Variants in UNC80 observed in about 807,000 individuals in gnomAD.
The protein encoded by UNC80 is unc-80 subunit of NALCN channel complex.
A neutral mutation model predicts 384.6 loss-of-function variants in UNC80; 164 were observed. That is an observed-to-expected ratio of 0.43 (90% CI 0.38 to 0.49). The LOEUF (loss-of-function observed/expected upper bound fraction) is 0.49, where lower values mean the gene tolerates loss of function less well. UNC80 is among the 20% of genes least tolerant of loss of function. The pLI is 0.00. For synonymous variants in UNC80, 1,486 were observed against 1,527.8 expected (o/e 0.97, Z 0.64); for missense variants, 3,330 against 4,143.0 (o/e 0.80, Z 5.39).
In UNC80 at chr2:209,816,951, C is replaced by G. The variant is rs1378992392; in HGVS notation, c.1378C>G (p.Pro460Ala). Reference protein sequence around the residue: ...KEDRERKGSIPFHHTGKRRPR... With the variant: ...KEDRERKGSIAFHHTGKRRPR... ...AGACCGAGAGAGGAAAGGCTCCATT[C>G]CATTCCACCACACAGGCAAGAGGAG... Residue 460 changes from proline to alanine, a missense_variant, in exon 10 of 65, where the codon CCA becomes GCA. Around this residue, in one of 8 missense-constraint regions of UNC80, gnomAD observed 937 missense variants for 1,026.8 expected, o/e 0.91. Transcript: ENST00000673920. 6.4e-7 allele frequency: 1 copy of G among 1,551,712 alleles called. No individual in the cohort carries two copies. Among genetic ancestry groups the G allele is most frequent in the East Asian group, 2.4e-5 (1 of 40,914 alleles).
At chr2:209,943,629 A>C (rs2091764578) in intron 45 of UNC80, 115 bp downstream of exon 45, 1 of 1,251,770 alleles carries the variant, frequency 8.0e-7, no homozygotes, top group East Asian at 2.5e-5. Flanking sequence ...GTGTTTTGGC[A>C]GAGATGCAAA....
intron 7 of UNC80, among the ~76,000 whole-genome samples, chr2:209,809,872 A>G (rs776487305): frequency 2.0e-5 from 3 of 152,080 alleles, no homozygotes; most frequent in Admixed American, 6.5e-5. Flanking sequence ...GGCATTCTTG[A>G]ACTGGCTTTT....
At chr2:209,822,097 T>A (rs915889226) in intron 13 of UNC80, among the ~76,000 whole-genome samples, 4 of 152,238 alleles carry the variant, frequency 2.6e-5, no homozygotes, top group Non-Finnish European at 1.5e-5. Context: ...TATTGTTTAC[T>A]CTTTTCTTCC....
At chr2:209,831,315 C>T (rs2080950624) in intron 15 of UNC80, 128 bp from the exon 16 acceptor site, 2 of 986,910 alleles carry the variant, frequency 2.0e-6, no homozygotes, top group Non-Finnish European at 2.9e-6. Context: ...CCTGGGGCAT[C>T]TTTAATTCCT....
intron 6 of UNC80, among the ~76,000 whole-genome samples, chr2:209,792,499 C>A (rs551899486): frequency 6.6e-6 from 1 of 152,076 alleles, no homozygotes; most frequent in Non-Finnish European, 1.5e-5. Flanking sequence ...AGGCGCCCAC[C>A]ACCGCGCCCA....
intron 25 of UNC80, among the ~76,000 whole-genome samples, chr2:209,881,549 C>T (rs1559255990): frequency 1.3e-5 from 2 of 152,004 alleles, no homozygotes; most frequent in African/African-American, 2.4e-5. Flanking sequence ...CTAAAATCCC[C>T]AAACGTACAT....
chr2:209,993,604 G>A (rs1335741019), intron 63 of UNC80, among the ~76,000 whole-genome samples, 178 bp downstream of exon 63: 1 of 152,068 alleles, frequency 6.6e-6, no homozygotes, highest in Non-Finnish European at 1.5e-5. Flanking sequence ...GCCTTCCCCA[G>A]TCCCTGTCTG....
chr2:209,919,699 A>G (rs1400467761), intron 33 of UNC80, among the ~76,000 whole-genome samples: 1 of 152,144 alleles, frequency 6.6e-6, no homozygotes, highest in Non-Finnish European at 1.5e-5. Flanking sequence ...CAATATACCT[A>G]TTTTATTTTA....
chr2:209,969,679 A>G, intron 52 of UNC80, 89 bp from the exon 53 acceptor site: 3 of 1,497,388 alleles, frequency 2.0e-6, no homozygotes, highest in Non-Finnish European at 2.7e-6. Flanking sequence ...ATCCTGTCTT[A>G]GATGGCATCA....
At position 209,945,698 on chromosome 2, in the gene UNC80, G is replaced by A. The variant is rs531431885; in HGVS notation, c.7190-149G>A. The A allele has an allele frequency of 2.0e-5, 11 of 559,878 alleles. No individual in the cohort carries two copies. The South Asian group carries it at 3.0e-4, about 15-fold the overall frequency. 34.7% of individuals were successfully genotyped at this position (559,878 alleles called of 1,614,324 possible). On this transcript the variant is annotated intron_variant, in intron 46 of 64. Transcript: ENST00000673920. ...CAGAATTTCGTTCCCTTGAGATGAA[G>A]AAATTAATAGTTTTCACAGCGTAGG...
Position 209,842,507 on chromosome 2 carries a change from T to C in UNC80, c.3454+61T>C, listed in dbSNP as rs184226620. 254 of 1,163,202 alleles carry C rather than the reference T, an allele frequency of 2.2e-4. 3 individuals are homozygous for C. The Admixed American group carries it at 6.0e-3, about 27-fold the overall frequency. 72.1% of individuals were successfully genotyped at this position (1,163,202 alleles called of 1,614,324 possible). A position where few individuals can be genotyped will look rare whatever the true frequency, so the allele number is the denominator to read the frequency against. On this transcript the variant is annotated intron_variant, in intron 21 of 64. Coordinates refer to ENST00000673920, the MANE Select transcript of UNC80 (RefSeq NM_001371986.1). ...TTTATCACACAGAACAAAAACTTGA[T>C]TAGATTAAGTGGTCCATTTTCTATT...
At chr2:209,918,707 G>A (rs1471375401) in intron 33 of UNC80, 44 bp downstream of exon 33, 1 of 1,477,132 alleles carries the variant, frequency 6.8e-7, no homozygotes, top group Non-Finnish European at 9.1e-7. Context: ...ACGTGTAAAA[G>A]AGAACAATTA....
intron 61 of UNC80, 66 bp from the exon 62 acceptor site, chr2:209,992,100 A>C (rs1328239507): frequency 6.6e-6 from 9 of 1,367,306 alleles, no homozygotes; most frequent in Non-Finnish European, 9.1e-6. Context: ...ATTTTGGCTA[A>C]CACCCACCAG....
intron 5 of UNC80, among the ~76,000 whole-genome samples, chr2:209,787,018 T>TATATAC (rs1000814946): frequency 2.5e-4 from 32 of 128,566 alleles, no homozygotes; most frequent in African/African-American, 9.6e-4. Flanking sequence ...TATATATATA[T>TATATAC]ACCTATATAT....
chr2:209,956,661 C>T (rs995110455), intron 48 of UNC80, among the ~76,000 whole-genome samples: 21 of 152,092 alleles, frequency 1.4e-4, no homozygotes, highest in Non-Finnish European at 2.4e-4. Context: ...ACATGTGCAG[C>T]GCACCAGCAT....
chr2:209,954,543 C>T, intron 48 of UNC80: 1 of 238,876 alleles, frequency 4.2e-6, no homozygotes, highest in Non-Finnish European at 7.9e-6. Context: ...GCTTGCTGAG[C>T]TTCTCCAGCA....
In UNC80 at chr2:209,912,525, C is replaced by T. The variant is rs375628753; in HGVS notation, c.4783-35C>T. ...AGCACTGTTGGGTTTTTAGAAAACACATCACTCTTCATTACATATCCCTGG... is the reference window on the plus strand; with the variant it reads ...AGCACTGTTGGGTTTTTAGAAAACATATCACTCTTCATTACATATCCCTGG... On this transcript the variant is annotated intron_variant, in intron 29 of 64. Coordinates refer to ENST00000673920, the MANE Select transcript of UNC80 (RefSeq NM_001371986.1). The T allele has an allele frequency of 1.7e-5, 24 of 1,441,528 alleles. No homozygotes were observed. In the African/African-American group the frequency reaches 2.7e-4, roughly 16 times the overall value. The allele number at this position is 1,441,528 out of a possible 1,614,324, so 89.3% of individuals were successfully genotyped here. A position where few individuals can be genotyped will look rare whatever the true frequency, so the allele number is the denominator to read the frequency against.
Position 209,817,886 on chromosome 2 carries a change from C to T in UNC80, c.1627C>T (p.His543Tyr). The stretch of plus-strand genomic sequence containing the variant: ...TCTGAGCGCCAGGCATTCCCACTCC[C>T]ATCACACCCTGGTAAGCGACCTGCC... ...ESLSARHSHS[H>Y]HTLVSDLPDP... is the part of the protein sequence containing the mutation. Residue 543 changes from histidine (H) to tyrosine (Y), a missense_variant, in exon 11 of 65, where the codon CAT (histidine) becomes TAT (tyrosine). This residue lies in a region of UNC80 where 937 missense variants were observed against 1,026.8 expected (regional missense o/e 0.91). Coordinates refer to ENST00000673920, the MANE Select transcript of UNC80 (RefSeq NM_001371986.1). 1 of 1,551,644 alleles carries T rather than the reference C, an allele frequency of 6.4e-7. No individual in the cohort carries two copies. The highest frequency in any genetic ancestry group is 8.7e-7 in the Non-Finnish European group (1 of 1,146,990).
At chr2:209,905,070 C>A in intron 29 of UNC80, 105 bp downstream of exon 29, 2 of 1,213,700 alleles carry the variant, frequency 1.6e-6, no homozygotes, top group Non-Finnish European at 2.3e-6. Flanking sequence ...TTGTAACAAT[C>A]AGGTCTGTGT....
Sources: allele counts gnomAD v4.1 joint callset (sites outside exome capture counted in the v4.1 genomes callset), GRCh38; gene constraint gnomAD v4.1.1; regional missense constraint gnomAD v4.1.1; transcripts MANE v1.5; gene names NCBI Gene and HGNC (gene_info 2026-07-23, HGNC 2026-07-21).